The following CIB1 variants were observed in gnomAD, a reference collection of about 807,000 sequenced individuals.
The protein encoded by CIB1 is calcium and integrin-binding protein 1.
Under a neutral mutation model 25.0 loss-of-function variants are expected in CIB1, and 19 were observed. The ratio of observed to expected loss-of-function variants is 0.76; its 90% CI spans 0.53 to 1.12. CIB1 has a LOEUF of 1.12. Among genes scored for constraint, CIB1 ranks in the 50% most tolerant of loss-of-function variants. The probability of loss-of-function intolerance (pLI) is 0.00; values close to 1 mark genes in which losing one functional copy is unlikely to be tolerated. For missense variants in CIB1, 236 were observed against 242.6 expected (o/e 0.97, Z 0.18); for synonymous variants, 104 against 98.5 (o/e 1.06, Z -0.33).
the CIB1 span, chr15:90,258,875 C>G: frequency 6.2e-7 from 1 of 1,614,152 alleles, no homozygotes; most frequent in Middle Eastern, 1.7e-4. Flanking sequence ...GGAGGATAAG[C>G]GGCGAGTCAA....
the CIB1 span, chr15:90,262,908 G>A: frequency 2.7e-6 from 4 of 1,492,732 alleles, no homozygotes; most frequent in Non-Finnish European, 3.6e-6. Flanking sequence ...GCCATCCTGG[G>A]TGATGGTTTG....
chr15:90,262,385 C>A, the CIB1 span: 1 of 1,277,600 alleles, frequency 7.8e-7, no homozygotes, highest in South Asian at 1.6e-5. Flanking sequence ...CGCATCAGTC[C>A]TAAGAACAGA....
the CIB1 span, among the ~76,000 whole-genome samples, chr15:90,239,883 C>T: frequency 1.3e-5 from 2 of 152,112 alleles, no homozygotes; most frequent in Non-Finnish European, 2.9e-5. Context: ...CATGTATGCA[C>T]CACTGCACTC....
At chr15:90,247,257 A>G in the CIB1 span, among the ~76,000 whole-genome samples, 1 of 149,414 alleles carries the variant, frequency 6.7e-6, no homozygotes, top group Non-Finnish European at 1.5e-5. Context: ...TACAGCCATG[A>G]GTCACCACAC....
chr15:90,252,043 C>CTTTTTTTTT, the CIB1 span, among the ~76,000 whole-genome samples: 10 of 133,478 alleles, frequency 7.5e-5, no homozygotes, highest in African/African-American at 5.4e-5. Context: ...TCACCTAATT[C>CTTTTTTTTT]TTTTTTTTTT....
chr15:90,232,376 G>A, intron 2 of CIB1, 49 bp from the exon 3 acceptor site: 2 of 1,554,484 alleles, frequency 1.3e-6, no homozygotes, highest in Non-Finnish European at 1.7e-6. Flanking sequence ...CGGTCTCCCT[G>A]TGTGTTCATT....
the CIB1 span, among the ~76,000 whole-genome samples, chr15:90,261,838 C>T: frequency 1.3e-5 from 2 of 152,216 alleles, no homozygotes; most frequent in African/African-American, 4.8e-5. Flanking sequence ...TCATGGCTAC[C>T]CACATGTGGG....
chr15:90,233,057 C>G (rs1962540432), intron 2 of CIB1, among the ~76,000 whole-genome samples: 1 of 152,220 alleles, frequency 6.6e-6, no homozygotes, highest in African/African-American at 2.4e-5. Context: ...CCTCCACCTC[C>G]TTCCCATGAG....
chr15:90,233,877 G>GC lies in CIB1; in HGVS notation c.8dup (p.Ser4LeufsTer33). The GC allele has an allele frequency of 3.4e-6, 5 of 1,473,870 alleles. No homozygotes were observed. Among genetic ancestry groups the GC allele is most frequent in the Non-Finnish European group, 4.5e-6 (5 of 1,115,768 alleles). 91.3% of individuals were successfully genotyped at this position (1,473,870 alleles called of 1,614,324 possible). A position where few individuals can be genotyped will look rare whatever the true frequency, so the allele number is the denominator to read the frequency against. ...GCTCCTTGGACAGGCGACTGCCCGAGCCCCCCATCGCCCCGCCGCGCGCAC... is the reference window on the plus strand; with the variant it reads ...GCTCCTTGGACAGGCGACTGCCCGAGCCCCCCCATCGCCCCGCCGCGCGCAC... On this transcript the variant is annotated frameshift_variant, in exon 1 of 7. Coordinates refer to ENST00000328649, the MANE Select transcript of CIB1 (RefSeq NM_006384.4). LOFTEE classifies it high-confidence loss of function.
chr15:90,230,833 T>TTC, intron 6 of CIB1, 101 bp downstream of exon 6: 1 of 1,084,808 alleles, frequency 9.2e-7, no homozygotes, highest in Non-Finnish European at 1.4e-6. Flanking sequence ...GACTGGGGCT[T>TTC]TCTCTCACCC....
the CIB1 span, chr15:90,250,517 T>A: frequency 1.5e-6 from 2 of 1,346,028 alleles, no homozygotes; most frequent in East Asian, 2.3e-5. Flanking sequence ...CTTTCCCTTA[T>A]AACAGCATGA....
At chr15:90,265,120 C>A in the CIB1 span, 2 of 1,251,080 alleles carry the variant, frequency 1.6e-6, no homozygotes, top group Non-Finnish European at 2.1e-6. Context: ...ACAAAGACAC[C>A]AAGAATTCCT....
chr15:90,260,228 T>C, the CIB1 span, among the ~76,000 whole-genome samples: 1 of 152,338 alleles, frequency 6.6e-6, no homozygotes, highest in East Asian at 1.9e-4. Context: ...CCAGGTGTGG[T>C]GGCTCACACC....
chr15:90,243,193 T>G, the CIB1 span: 2 of 152,194 alleles, frequency 1.3e-5, no homozygotes, highest in Non-Finnish European at 2.9e-5. Context: ...ACCACTTATT[T>G]TTATTGCTTT....
At chr15:90,265,345 C>G in the CIB1 span, 1 of 1,224,292 alleles carries the variant, frequency 8.2e-7, no homozygotes, top group South Asian at 1.9e-5. Flanking sequence ...TGGGCTGTCG[C>G]CGTCAGAAGA....
the CIB1 span, chr15:90,256,173 G>T: frequency 1.2e-6 from 2 of 1,614,158 alleles, no homozygotes. Flanking sequence ...GGTCGTCAGC[G>T]AAAAGCCCGC....
the CIB1 span, chr15:90,250,800 T>C: frequency 6.2e-6 from 10 of 1,614,218 alleles, no homozygotes; most frequent in Non-Finnish European, 8.5e-6. Flanking sequence ...TCACCCATTA[T>C]GGCCACAAAA....
At chr15:90,241,677 T>G in the CIB1 span, 2 of 1,614,200 alleles carry the variant, frequency 1.2e-6, no homozygotes, top group South Asian at 2.2e-5. Flanking sequence ...TGGCTTCCTC[T>G]TTTACACTCG....
In CIB1 at chr15:90,231,428, AG is replaced by A; in HGVS notation, c.274del (p.Leu92TrpfsTer32). On this transcript the variant is annotated frameshift_variant, in exon 4 of 7. Transcript: ENST00000328649. LOFTEE classifies it high-confidence loss of function. The stretch of plus-strand genomic sequence containing the variant: ...GTCACTGAACACACTGAGGAGATCC[AG>A]GAAGTCCTCAAAGCTAAGGCTGTCT... ...AKDSLSFEDF[L>X]DLLSVFSDTA... is the part of the protein sequence containing the mutation. 6.2e-7 allele frequency: 1 copy of A among 1,614,232 alleles called. No homozygotes were observed. The highest frequency in any genetic ancestry group is 8.5e-7 in the Non-Finnish European group (1 of 1,180,024).
Sources: allele counts gnomAD v4.1 joint callset (sites outside exome capture counted in the v4.1 genomes callset), GRCh38; gene constraint gnomAD v4.1.1; transcripts MANE v1.5; gene names NCBI Gene and HGNC (gene_info 2026-07-23, HGNC 2026-07-21).